The following GGA2 variants were observed in gnomAD, a reference collection of about 807,000 sequenced individuals.
GGA2 encodes the protein ADP-ribosylation factor-binding protein GGA2.
Under a neutral mutation model 79.5 loss-of-function variants are expected in GGA2, and 48 were observed. That is an observed-to-expected ratio of 0.60 (90% CI 0.48 to 0.77). The LOEUF is 0.77. GGA2 is among the 30% of genes least tolerant of loss of function. GGA2 has a pLI of 0.00. For synonymous variants in GGA2, 317 were observed against 302.0 expected, an observed-to-expected ratio of 1.05 and a Z score of -0.51; for missense variants, 770 against 774.0, an observed-to-expected ratio of 0.99 and a Z score of 0.06.
intron 1 of GGA2, among the ~76,000 whole-genome samples, chr16:23,503,068 A>C (rs1964936976): frequency 6.6e-6 from 1 of 152,172 alleles, no homozygotes; most frequent in Non-Finnish European, 1.5e-5. Flanking sequence ...GAACATTTGA[A>C]TATGGCAAAG....
intron 1 of GGA2, among the ~76,000 whole-genome samples, chr16:23,496,309 A>G (rs1964855273): frequency 1.3e-5 from 2 of 151,122 alleles, no homozygotes; most frequent in Non-Finnish European, 3.0e-5. Flanking sequence ...TCTCAAAAAA[A>G]AAAAAAAAAA....
At chr16:23,485,960 A>G (rs1286010729) in intron 8 of GGA2, 55 bp downstream of exon 8, 4 of 1,551,806 alleles carry the variant, frequency 2.6e-6, no homozygotes, top group African/African-American at 1.4e-5. Flanking sequence ...AGGTGAAAGC[A>G]TTTCAAACCC....
chr16:23,479,359 C>T (rs1399760767), intron 11 of GGA2, among the ~76,000 whole-genome samples: 2 of 150,824 alleles, frequency 1.3e-5, no homozygotes, highest in African/African-American at 4.9e-5. Flanking sequence ...AGCTCACTCC[C>T]CTACTCACAC....
intron 13 of GGA2, among the ~76,000 whole-genome samples, chr16:23,477,092 C>T (rs1344967006): frequency 1.3e-5 from 2 of 152,174 alleles, no homozygotes; most frequent in African/African-American, 2.4e-5. Flanking sequence ...GCTGGGACTA[C>T]AGTCATGACC....
chr16:23,510,162 A>C (rs1596998309), intron 1 of GGA2, among the ~76,000 whole-genome samples, 159 bp downstream of exon 1: 2 of 148,644 alleles, frequency 1.3e-5, no homozygotes, highest in Non-Finnish European at 1.5e-5. Context: ...CTCTCGGGGG[A>C]CCCCTGGGCG....
chr16:23,497,673 T>C (rs1026793692), intron 1 of GGA2, among the ~76,000 whole-genome samples: 2 of 152,198 alleles, frequency 1.3e-5, no homozygotes, highest in African/African-American at 2.4e-5. Context: ...CATTCCACCC[T>C]AAAGACTTCT....
chr16:23,487,562 G>A (rs1447673572), intron 6 of GGA2, among the ~76,000 whole-genome samples: 1 of 152,044 alleles, frequency 6.6e-6, no homozygotes, highest in Non-Finnish European at 1.5e-5. Flanking sequence ...CATTTCCAGC[G>A]CCCAGCAGGA....
chr16:23,511,870 G>A (rs1462293801), upstream of GGA2, among the ~76,000 whole-genome samples: 1 of 152,206 alleles, frequency 6.6e-6, no homozygotes, highest in African/African-American at 2.4e-5. Context: ...AAGATAAGAC[G>A]AATGTGCAAA....
Position 23,474,900 on chromosome 16 carries a change from T to G in GGA2, c.1450+4A>C. The G allele has an allele frequency of 6.2e-7, 1 of 1,603,246 alleles. No homozygotes were observed. The highest frequency in any genetic ancestry group is 1.1e-5 in the South Asian group (1 of 90,808). ...AAAAAGGTGGGGAGTGAAATTGTAC[T>G]TACTGGGCTTAACAGACTCCAAAGG... On this transcript the variant is annotated splice_donor_region_variant and intron_variant, in intron 14 of 16. Transcript: ENST00000309859.
intron 14 of GGA2, among the ~76,000 whole-genome samples, chr16:23,471,202 G>C (rs4967955): frequency 0.14 from 20,940 of 151,776 alleles, 2,844 homozygotes; most frequent in African/African-American, 0.35. Flanking sequence ...TTTTATATGA[G>C]TACAAACACA....
At position 23,464,267 on chromosome 16, in the gene GGA2, G is replaced by A. The variant is rs1316036870; in HGVS notation, c.*3323C>T. ...TTTGCCCAGTCTTAAGTTCATGGAA[G>A]ATAATAGGAAGAGTAATTAACTGCA... On this transcript the variant is annotated 3_prime_UTR_variant, in exon 17 of 17. Coordinates refer to ENST00000309859, the MANE Select transcript of GGA2 (RefSeq NM_015044.4). 6.6e-6 allele frequency: 1 copy of A among 152,176 alleles called. No homozygotes were observed. 9.4% of individuals were successfully genotyped at this position (152,176 alleles called of 1,614,324 possible).
At position 23,494,349 on chromosome 16, in the gene GGA2, T is replaced by TG; in HGVS notation, c.205dup (p.His69ProfsTer60). ...CTTCTCTTGCGGAGACTGGATCTTG[T>TG]GGGCCAGTAGCCAGGGCGCATGTGT... is the stretch of plus-strand genomic sequence containing the variant. On this transcript the variant is annotated frameshift_variant, in exon 3 of 17. Coordinates refer to ENST00000309859, the MANE Select transcript of GGA2 (RefSeq NM_015044.4). LOFTEE classifies it high-confidence loss of function. 3 of 1,613,064 alleles carry TG rather than the reference T, an allele frequency of 1.9e-6. No individual in the cohort carries two copies. Among genetic ancestry groups the TG allele is most frequent in the Non-Finnish European group, 2.5e-6 (3 of 1,178,988 alleles).
At chr16:23,506,018 G>C (rs2142143776) in intron 1 of GGA2, among the ~76,000 whole-genome samples, 1 of 152,162 alleles carries the variant, frequency 6.6e-6, no homozygotes, top group Admixed American at 6.5e-5. Context: ...GCGCTTCTTG[G>C]GCACTTACTA....
At chr16:23,486,957 A>G (rs1236133563) in intron 6 of GGA2, among the ~76,000 whole-genome samples, 167 bp from the exon 7 acceptor site, 1 of 151,150 alleles carries the variant, frequency 6.6e-6, no homozygotes, top group Non-Finnish European at 1.5e-5. Context: ...TGACTATCCC[A>G]ATACACCACT....
Position 23,465,662 on chromosome 16 carries a change from C to T in GGA2, c.*1928G>A, listed in dbSNP as rs150188253. 4.2e-3 allele frequency: 1,785 copies of T among 428,776 alleles called. 31 individuals are homozygous for T. The highest frequency in any genetic ancestry group is 0.033 in the African/African-American group (1,642 of 49,958). The allele number at this position is 428,776 out of a possible 1,614,324, so 26.6% of individuals were successfully genotyped here. A position where few individuals can be genotyped will look rare whatever the true frequency, so the allele number is the denominator to read the frequency against. On this transcript the variant is annotated 3_prime_UTR_variant, in exon 17 of 17. Coordinates refer to ENST00000309859, the MANE Select transcript of GGA2 (RefSeq NM_015044.4). ...GAGCCTATAAAAGCTACACAGAGGC[C>T]GGGTGCGGTGGCTCACGCCTGTAAT...
intron 8 of GGA2, among the ~76,000 whole-genome samples, chr16:23,485,694 C>A (rs1361167320): frequency 6.6e-6 from 1 of 152,174 alleles, no homozygotes; most frequent in African/African-American, 2.4e-5. Context: ...CAAGCTACTG[C>A]TACACACAGC....
rs200514330 is a variant in GGA2 at position 23,480,604 on chromosome 16, GCCC to G, written c.1006+38_1006+40del. ...ATTTCTTTTCTGGGAATTACAGGCT[GCCC>G]CAAGGCAGAGAAGGCAAGGAGAAGC... On this transcript the variant is annotated intron_variant, in intron 10 of 16. Transcript: ENST00000309859. 7,511 of 1,570,824 alleles carry G rather than the reference GCCC, an allele frequency of 4.8e-3. 313 individuals carry two copies. In the Admixed American group the frequency reaches 0.091, roughly 19 times the overall value.
intron 7 of GGA2, 99 bp from the exon 8 acceptor site, chr16:23,486,251 A>G: frequency 9.5e-7 from 1 of 1,052,600 alleles, no homozygotes; most frequent in South Asian, 1.4e-5. Flanking sequence ...GAGCTCGCTC[A>G]GGGGCATCAC....
chr16:23,505,459 C>T (rs566728108), intron 1 of GGA2, among the ~76,000 whole-genome samples: 3 of 152,214 alleles, frequency 2.0e-5, no homozygotes, highest in African/African-American at 4.8e-5. Context: ...AAGAACAAGG[C>T]GGCTACATCT....
Sources: allele counts gnomAD v4.1 joint callset (sites outside exome capture counted in the v4.1 genomes callset), GRCh38; gene constraint gnomAD v4.1.1; transcripts MANE v1.5; gene names NCBI Gene and HGNC (gene_info 2026-07-23, HGNC 2026-07-21).